Variants in RNF169 observed in about 807,000 individuals in gnomAD.
The protein encoded by RNF169 is ring finger protein 169.
Under a neutral mutation model 53.9 loss-of-function variants are expected in RNF169, and 24 were observed. That is an observed-to-expected ratio of 0.45 (90% CI 0.32 to 0.63). RNF169 has a LOEUF of 0.63. Among genes scored for constraint, RNF169 ranks in the 20% least tolerant of loss-of-function variants. The pLI is 0.04. For synonymous variants in RNF169, 396 were observed against 363.5 expected, an observed-to-expected ratio of 1.09 and a Z score of -1.02; for missense variants, 883 against 906.2, an observed-to-expected ratio of 0.97 and a Z score of 0.33.
Position 74,836,583 on chromosome 11 carries a change from G to T in RNF169, c.1980G>T (p.Glu660Asp). The T allele has an allele frequency of 6.2e-7, 1 of 1,614,134 alleles. No individual in the cohort carries two copies. The highest frequency in any genetic ancestry group is 1.1e-5 in the South Asian group (1 of 91,082). The change falls in exon 6 of 6, where the codon GAG becomes GAT. Residue 660 changes from glutamate to aspartate, a missense_variant. This residue lies in a region of RNF169 where 351 missense variants were observed against 337.3 expected (regional missense o/e 1.04). Transcript: ENST00000299563. ...CAGACCCAGTCCTGCGAGAGATGGAGCAGAAGCTTCAGCAAGAGGAAGAAG... is the reference window on the plus strand; with the variant it reads ...CAGACCCAGTCCTGCGAGAGATGGATCAGAAGCTTCAGCAAGAGGAAGAAG... ...APTDPVLREMEQKLQQEEEDR... is the reference protein window; with the variant it reads ...APTDPVLREMDQKLQQEEEDR...
At chr11:74,793,865 A>G (rs944910168) in intron 2 of RNF169, among the ~76,000 whole-genome samples, 1 of 152,078 alleles carries the variant, frequency 6.6e-6, no homozygotes, top group Non-Finnish European at 1.5e-5. Flanking sequence ...CTTTCTTCCC[A>G]CTGTCCTTCC....
chr11:74,790,061 T>C lies in RNF169; in HGVS notation c.576+362T>C, dbSNP rs182438078. Among the ~76,000 whole-genome samples, 3 of 152,358 alleles carry C rather than the reference T, an allele frequency of 2.0e-5. No individual in the cohort carries two copies. In the East Asian group the frequency reaches 5.8e-4, roughly 29 times the overall value. ...CAAGTTTCTTCTAATTACATGTAGC[T>C]GGTGTTATCCATTATTGCTCACTCC... On this transcript the variant is annotated intron_variant, in intron 2 of 5. Transcript: ENST00000299563.
At chr11:74,811,371 A>G (rs1366101061) in intron 3 of RNF169, among the ~76,000 whole-genome samples, 1 of 152,090 alleles carries the variant, frequency 6.6e-6, no homozygotes, top group African/African-American at 2.4e-5. Context: ...CCTCCCAAGT[A>G]TCTGGGACTA....
chr11:74,786,410 G>A (rs115584267), intron 1 of RNF169, among the ~76,000 whole-genome samples: 3 of 151,666 alleles, frequency 2.0e-5, no homozygotes, highest in Non-Finnish European at 4.4e-5. Context: ...TTGTTGGGGG[G>A]TTTTTTTGTT....
At chr11:74,822,928 A>C (rs910439296) in intron 4 of RNF169, among the ~76,000 whole-genome samples, 2 of 151,732 alleles carry the variant, frequency 1.3e-5, no homozygotes, top group East Asian at 3.9e-4. Flanking sequence ...ACAGAAAAGG[A>C]CTCCGTACAA....
intron 4 of RNF169, chr11:74,831,435 G>C (rs542232528): frequency 6.6e-6 from 1 of 152,112 alleles, no homozygotes; most frequent in Non-Finnish European, 1.5e-5. Context: ...AAATTTAACC[G>C]CAGTAGTGCA....
chr11:74,785,225 T>G (rs2035478888), intron 1 of RNF169, among the ~76,000 whole-genome samples: 2 of 102,248 alleles, frequency 2.0e-5, no homozygotes, highest in African/African-American at 1.1e-4. Context: ...ATATATGTTA[T>G]ATATATTATA....
intron 1 of RNF169, among the ~76,000 whole-genome samples, chr11:74,772,440 C>T (rs2035273416): frequency 6.7e-6 from 1 of 148,914 alleles, no homozygotes; most frequent in African/African-American, 2.5e-5. Context: ...CTTAATCCTT[C>T]AGTAAATGTT....
chr11:74,755,134 A>G (rs1466616014), intron 1 of RNF169, among the ~76,000 whole-genome samples: 1 of 152,232 alleles, frequency 6.6e-6, no homozygotes, highest in Non-Finnish European at 1.5e-5. Context: ...TCATTTCTTT[A>G]TCCTTAATGA....
At chr11:74,787,609 G>A (rs1565177208) in intron 1 of RNF169, among the ~76,000 whole-genome samples, 1 of 152,082 alleles carries the variant, frequency 6.6e-6, no homozygotes, top group Non-Finnish European at 1.5e-5. Flanking sequence ...AATAGCCACT[G>A]CACTCCCTCC....
At chr11:74,759,145 T>C in intron 1 of RNF169, among the ~76,000 whole-genome samples, 1 of 100,326 alleles carries the variant, frequency 1.0e-5, no homozygotes, top group African/African-American at 3.8e-5. Flanking sequence ...CTTGTGATTT[T>C]TGTACATTGA....
chr11:74,784,189 A>G (rs1400025407), intron 1 of RNF169, among the ~76,000 whole-genome samples: 2 of 152,240 alleles, frequency 1.3e-5, no homozygotes, highest in Admixed American at 1.3e-4. Flanking sequence ...TTAGAGAAAC[A>G]TATTGAGTAG....
chr11:74,786,004 G>C (rs1776718178), intron 1 of RNF169, among the ~76,000 whole-genome samples: 1 of 146,586 alleles, frequency 6.8e-6, no homozygotes, highest in Non-Finnish European at 1.5e-5. Flanking sequence ...GCAGTGGCAC[G>C]ATCTCAGCTC....
chr11:74,780,181 T>G (rs2035396666), intron 1 of RNF169, among the ~76,000 whole-genome samples: 1 of 152,230 alleles, frequency 6.6e-6, no homozygotes, highest in Non-Finnish European at 1.5e-5. Flanking sequence ...TGTTTTTCCT[T>G]TCTTTGTAAG....
At chr11:74,764,864 A>G (rs528585167) in intron 1 of RNF169, among the ~76,000 whole-genome samples, 1 of 152,362 alleles carries the variant, frequency 6.6e-6, no homozygotes, top group East Asian at 1.9e-4. Context: ...AACGTAGTTC[A>G]ATAGGAAGAC....
intron 2 of RNF169, among the ~76,000 whole-genome samples, chr11:74,798,245 T>G (rs1268615719): frequency 6.6e-6 from 1 of 152,246 alleles, no homozygotes; most frequent in Non-Finnish European, 1.5e-5. Flanking sequence ...CATATTTCTC[T>G]TCTTTCAAAA....
At chr11:74,795,124 G>A (rs368241360) in intron 2 of RNF169, among the ~76,000 whole-genome samples, 5 of 151,014 alleles carry the variant, frequency 3.3e-5, no homozygotes, top group African/African-American at 1.2e-4. Context: ...GGATTTTTGA[G>A]AAATAATACA....
At chr11:74,772,799 T>C (rs761774135) in intron 1 of RNF169, among the ~76,000 whole-genome samples, 1 of 152,238 alleles carries the variant, frequency 6.6e-6, no homozygotes, top group East Asian at 1.9e-4. Context: ...AGGAATAGAA[T>C]AGATACTAGC....
At chr11:74,756,348 A>G (rs1444418540) in intron 1 of RNF169, among the ~76,000 whole-genome samples, 1 of 152,208 alleles carries the variant, frequency 6.6e-6, no homozygotes, top group Non-Finnish European at 1.5e-5. Context: ...AAACCTGGAG[A>G]CAGACTACCT....
Sources: allele counts gnomAD v4.1 joint callset (sites outside exome capture counted in the v4.1 genomes callset), GRCh38; gene constraint gnomAD v4.1.1; regional missense constraint gnomAD v4.1.1; transcripts MANE v1.5; gene names NCBI Gene and HGNC (gene_info 2026-07-23, HGNC 2026-07-21).